GRK5: variants seen among roughly 807,000 people sequenced by gnomAD.
GRK5 encodes g protein-coupled receptor kinase GRK5.
In GRK5, 40 loss-of-function variants were observed where a neutral mutation model predicts 78.4. That is an observed-to-expected ratio of 0.51 (90% confidence interval 0.40 to 0.66). The LOEUF is 0.66. GRK5 is among the 30% of genes least tolerant of loss of function. The pLI is 0.00. For missense variants in GRK5, 598 were observed against 759.9 expected, an observed-to-expected ratio of 0.79 and a Z score of 2.50; for synonymous variants, 289 against 296.8, an observed-to-expected ratio of 0.97 and a Z score of 0.27.
chr10:119,209,495 T>TG (rs1486684403), intron 1 of GRK5, among the ~76,000 whole-genome samples: 4 of 55,500 alleles, frequency 7.2e-5, no homozygotes, highest in Non-Finnish European at 1.5e-4. Context: ...TGGTTTTTTT[T>TG]TTTTTTTTTT....
chr10:119,254,702 C>T lies in GRK5; in HGVS notation c.52+46733C>T, dbSNP rs74157642. On this transcript the variant is annotated intron_variant, in intron 1 of 15. Transcript: ENST00000392870. ...TTTCTCCAGGAGGAGGTGGGATTCA[C>T]AGGCAGAGACATATCAAAACAGGGA... Among the ~76,000 whole-genome samples, 673 of 152,112 alleles carry T rather than the reference C, an allele frequency of 4.4e-3. 5 individuals are homozygous for T. The highest frequency in any genetic ancestry group is 0.016 in the African/African-American group (657 of 41,486).
intron 3 of GRK5, among the ~76,000 whole-genome samples, chr10:119,392,131 T>A (rs944518706): frequency 1.3e-5 from 2 of 152,196 alleles, no homozygotes; most frequent in African/African-American, 4.8e-5. Context: ...GATGATGCAA[T>A]TAGGGCAGGC....
chr10:119,410,164 G>A (rs545516366), intron 4 of GRK5, among the ~76,000 whole-genome samples: 13 of 152,218 alleles, frequency 8.5e-5, no homozygotes, highest in Non-Finnish European at 1.5e-4. Flanking sequence ...CTCCACGTCC[G>A]GGCACATTGC....
intron 8 of GRK5, among the ~76,000 whole-genome samples, chr10:119,433,281 C>G (rs1257573155): frequency 2.0e-5 from 3 of 152,178 alleles, no homozygotes; most frequent in Non-Finnish European, 4.4e-5. Context: ...GAGTCCGAAA[C>G]CTTCCTCCCC....
chr10:119,367,800 A>C lies in GRK5; in HGVS notation c.149-13015A>C, dbSNP rs1851474134. 2.0e-5 allele frequency among the ~76,000 whole-genome samples: 3 copies of C among 152,198 alleles called. No homozygotes were observed. The South Asian group carries it at 6.2e-4, about 31-fold the overall frequency. On this transcript the variant is annotated intron_variant, in intron 2 of 15. Transcript: ENST00000392870. The stretch of plus-strand genomic sequence containing the variant: ...TGATGGGGATCATGTTGGGAGGATT[A>C]AGGGTGGCTGGGGGTCTTGGGACCC...
At chr10:119,440,385 TC>T (rs1693086780) in intron 10 of GRK5, among the ~76,000 whole-genome samples, 1 of 151,536 alleles carries the variant, frequency 6.6e-6, no homozygotes, top group Non-Finnish European at 1.5e-5. Context: ...TCCTATACCT[TC>T]TTTTTTTTTT....
rs1295331200 is a variant in GRK5, at chr10:119,412,788, A to G, written c.340-10378A>G. 6.6e-6 allele frequency among the ~76,000 whole-genome samples: 1 copy of G among 152,146 alleles called. No individual in the cohort carries two copies. The highest frequency in any genetic ancestry group is 2.4e-5 in the African/African-American group (1 of 41,420). On this transcript the variant is annotated intron_variant, in intron 4 of 15. Transcript: ENST00000392870. The surrounding 1 kb of genome is among the most constrained non-coding windows in gnomAD (Gnocchi z 4.3). ...AACCTTTTTCTCTGGTTGTGACCGT[A>G]TGAGCATGTTTAATTGCAAGCCAGG...
chr10:119,359,108 C>T (rs1164408355), intron 2 of GRK5, among the ~76,000 whole-genome samples: 1 of 152,220 alleles, frequency 6.6e-6, no homozygotes, highest in African/African-American at 2.4e-5. Flanking sequence ...GCCCCCTCCA[C>T]TGTTTGGAGT....
intron 1 of GRK5, among the ~76,000 whole-genome samples, chr10:119,218,899 CTTTTT>C (rs59377653): frequency 0.028 from 3,962 of 142,288 alleles, 195 homozygotes; most frequent in African/African-American, 0.097. Context: ...AAATCTGAAA[CTTTTT>C]TTTTTTTTTT....
chr10:119,367,573 T>C (rs1851468915), intron 2 of GRK5, among the ~76,000 whole-genome samples: 1 of 152,210 alleles, frequency 6.6e-6, no homozygotes, highest in Non-Finnish European at 1.5e-5. Flanking sequence ...TCTAAGACTC[T>C]AAGAGCACAG....
chr10:119,297,020 C>A (rs903857968), intron 1 of GRK5, among the ~76,000 whole-genome samples: 2 of 152,218 alleles, frequency 1.3e-5, no homozygotes, highest in East Asian at 1.9e-4. Flanking sequence ...AAGATAGGAG[C>A]CTTCTGGGAG....
At chr10:119,314,599 T>C (rs1850452080) in intron 1 of GRK5, among the ~76,000 whole-genome samples, 1 of 152,208 alleles carries the variant, frequency 6.6e-6, no homozygotes, top group Non-Finnish European at 1.5e-5. Context: ...TAAAAGCTCC[T>C]GATGCTTCCT....
intron 2 of GRK5, chr10:119,335,097 G>GCCTGCCTGCCTGCTTTGC (rs1332667212): frequency 7.2e-6 from 1 of 139,472 alleles, no homozygotes; most frequent in African/African-American, 2.8e-5. Flanking sequence ...ACCCAACATT[G>GCCTGCCTGCCTGCTTTGC]CCTGCCTGCC....
chr10:119,368,306 C>T lies in GRK5; in HGVS notation c.149-12509C>T, dbSNP rs371114780. On this transcript the variant is annotated intron_variant, in intron 2 of 15. Transcript: ENST00000392870. ...CGCCCCTCAGAGCCCCAGGCCTCTGCGAAATGCTGCCTTTAAACTCATGCT... is the reference window on the plus strand; with the variant it reads ...CGCCCCTCAGAGCCCCAGGCCTCTGTGAAATGCTGCCTTTAAACTCATGCT... Among the ~76,000 whole-genome samples the T allele has an allele frequency of 1.7e-4, 26 of 152,346 alleles. No homozygotes were observed. In the East Asian group the frequency reaches 2.7e-3, roughly 16 times the overall value.
At chr10:119,284,889 G>A (rs964670077) in intron 1 of GRK5, among the ~76,000 whole-genome samples, 1 of 152,214 alleles carries the variant, frequency 6.6e-6, no homozygotes, top group African/African-American at 2.4e-5. Context: ...CCTGGGCAGG[G>A]CTCTGCAGAG....
intron 3 of GRK5, among the ~76,000 whole-genome samples, chr10:119,381,783 G>C (rs1400828294): frequency 6.6e-6 from 1 of 152,142 alleles, no homozygotes; most frequent in Non-Finnish European, 1.5e-5. Flanking sequence ...GGGCCGAGAG[G>C]CTGCTGTTTC....
At chr10:119,279,859 G>A (rs1238605113) in intron 1 of GRK5, among the ~76,000 whole-genome samples, 1 of 152,208 alleles carries the variant, frequency 6.6e-6, no homozygotes, top group African/African-American at 2.4e-5. Flanking sequence ...AGTCTCTGTT[G>A]TGTCTCTGGA....
chr10:119,289,552 T>G (rs1849914746), intron 1 of GRK5, among the ~76,000 whole-genome samples: 1 of 152,132 alleles, frequency 6.6e-6, no homozygotes, highest in African/African-American at 2.4e-5. Flanking sequence ...GGATGTAGGA[T>G]CTGAGGCCCA....
intron 2 of GRK5, among the ~76,000 whole-genome samples, chr10:119,358,533 C>T (rs1851303858): frequency 6.6e-6 from 1 of 152,174 alleles, no homozygotes; most frequent in African/African-American, 2.4e-5. Context: ...GCATTTCCAT[C>T]TCCCAAATCA....
Sources: allele counts gnomAD v4.1 joint callset (sites outside exome capture counted in the v4.1 genomes callset), GRCh38; gene constraint gnomAD v4.1.1; non-coding constraint Gnocchi (gnomAD v3.1); transcripts MANE v1.5; gene names NCBI Gene and HGNC (gene_info 2026-07-23, HGNC 2026-07-21).